The following TNRC18 variants were observed in gnomAD, a reference collection of about 807,000 sequenced individuals.
TNRC18 encodes trinucleotide repeat-containing gene 18 protein.
TNRC18 carries 69 observed loss-of-function variants against 226.7 expected under a neutral mutation model. That is an observed-to-expected ratio of 0.30 (90% CI 0.25 to 0.37). The LOEUF (loss-of-function observed/expected upper bound fraction) is 0.37, where lower values mean the gene tolerates loss of function less well. Ranked by LOEUF, TNRC18 falls within the 10% of genes least tolerant of loss-of-function variation. TNRC18 has a pLI of 1.00. For synonymous variants in TNRC18, 2,449 were observed against 1,927.6 expected, an observed-to-expected ratio of 1.27 and a Z score of -7.09; for missense variants, 4,754 against 4,256.6, an observed-to-expected ratio of 1.12 and a Z score of -3.25.
intron 2 of TNRC18, among the ~76,000 whole-genome samples, chr7:5,399,520 G>C (rs982786439): frequency 1.3e-5 from 2 of 151,934 alleles, no homozygotes; most frequent in Non-Finnish European, 2.9e-5. Flanking sequence ...CAGCCTGGCA[G>C]ACATGGTAAA....
Position 5,375,906 on chromosome 7 carries a change from C to T in TNRC18, c.2799+128G>A, listed in dbSNP as rs369302562. ...CTGCTGCCTCCTCCAGAAGCCCTCC[C>T]TGACCACCTGCCCCTCTGCTGTTTT... On this transcript the variant is annotated intron_variant, in intron 9 of 29. Coordinates refer to ENST00000430969, the MANE Select transcript of TNRC18 (RefSeq NM_001080495.3). The T allele has an allele frequency of 9.5e-5, 92 of 963,510 alleles. 1 individual carries two copies. The African/African-American group carries it at 1.5e-3, about 15-fold the overall frequency. 59.7% of individuals were successfully genotyped at this position (963,510 alleles called of 1,614,324 possible). A position where few individuals can be genotyped will look rare whatever the true frequency, so the allele number is the denominator to read the frequency against.
chr7:5,324,431 A>G lies in TNRC18; in HGVS notation c.6301-76T>C. Reference sequence around the variant, plus strand: ...TGCCGGGTTGGGGACCCTCTCTGGAAACCTGGAGCCACAGTCAGGCCGCAG... The same window carrying G: ...TGCCGGGTTGGGGACCCTCTCTGGAGACCTGGAGCCACAGTCAGGCCGCAG... On this transcript the variant is annotated intron_variant, in intron 20 of 29. Coordinates refer to ENST00000430969, the MANE Select transcript of TNRC18 (RefSeq NM_001080495.3). This position sits in a 1 kb window ranked among gnomAD's most constrained non-coding sequence, Gnocchi z 4.8. The G allele has an allele frequency of 6.4e-7, 1 of 1,563,842 alleles. No homozygotes were observed. The highest frequency in any genetic ancestry group is 8.7e-7 in the Non-Finnish European group (1 of 1,152,188).
chr7:5,312,887 A>C lies in TNRC18; in HGVS notation c.8004T>G (p.Ser2668=). ...SSSSSSSSSS[S]SSSTTDEDSS... ...AGTCCTCGTCTGTGGTGGAGGAAGA[A>C]GAGGAGGAAGAGGAGGAGGAGGAGG... Residue 2668 remains serine, a synonymous_variant, in exon 27 of 30, where the codon TCT becomes TCG. Transcript: ENST00000430969. This position sits in a 1 kb window ranked among gnomAD's most constrained non-coding sequence, Gnocchi z 6.3. 1 of 1,517,334 alleles carries C rather than the reference A, an allele frequency of 6.6e-7. No individual in the cohort carries two copies. The highest frequency in any genetic ancestry group is 1.3e-5 in the South Asian group (1 of 75,476). 94.0% of individuals were successfully genotyped at this position (1,517,334 alleles called of 1,614,324 possible). A position where few individuals can be genotyped will look rare whatever the true frequency, so the allele number is the denominator to read the frequency against.
intron 17 of TNRC18, among the ~76,000 whole-genome samples, chr7:5,350,697 C>T (rs900252379): frequency 6.6e-6 from 1 of 152,198 alleles, no homozygotes; most frequent in African/African-American, 2.4e-5. Flanking sequence ...AAGGCTCACA[C>T]ACATCTAACC....
chr7:5,333,103 C>T, intron 18 of TNRC18, 54 bp from the exon 19 acceptor site: 1 of 1,525,010 alleles, frequency 6.6e-7, no homozygotes, highest in Non-Finnish European at 8.8e-7. Context: ...CCCCTTCCCT[C>T]CCACCCAGCC....
intron 2 of TNRC18, among the ~76,000 whole-genome samples, chr7:5,399,032 C>T (rs751548947): frequency 1.3e-5 from 2 of 152,152 alleles, no homozygotes; most frequent in Non-Finnish European, 2.9e-5. Context: ...AAAATAAACC[C>T]CGAAGAAGCA....
At chr7:5,371,989 T>G (rs1794199190) in intron 10 of TNRC18, among the ~76,000 whole-genome samples, 1 of 152,096 alleles carries the variant, frequency 6.6e-6, no homozygotes, top group African/African-American at 2.4e-5. Context: ...CCTGCACCTC[T>G]TGGATTCCAA....
chr7:5,372,999 A>C (rs1208721548), intron 10 of TNRC18, among the ~76,000 whole-genome samples: 2 of 152,104 alleles, frequency 1.3e-5, no homozygotes, highest in East Asian at 3.9e-4. Context: ...TCTCTACTAA[A>C]AATTCAAAAT....
At chr7:5,345,451 T>G (rs749298813) in intron 18 of TNRC18, 111 bp downstream of exon 18, 26 of 1,125,886 alleles carry the variant, frequency 2.3e-5, no homozygotes, top group Non-Finnish European at 3.1e-5. Flanking sequence ...TTCTGCCCAT[T>G]CCCAGCTCTG....
Position 5,391,835 on chromosome 7 carries a change from T to TA in TNRC18, c.344-1208dup, listed in dbSNP as rs112656100. Among the ~76,000 whole-genome samples the TA allele has an allele frequency of 6.7e-3, 837 of 125,434 alleles. 5 individuals are homozygous for TA. Among genetic ancestry groups the TA allele is most frequent in the South Asian group, 0.013 (45 of 3,590 alleles). The allele number at this position is 125,434 out of a possible 152,430, so 82.3% of individuals were successfully genotyped here. A position where few individuals can be genotyped will look rare whatever the true frequency, so the allele number is the denominator to read the frequency against. ...AACATAGTGTGACCCCATCTCTATT[T>TA]AAAAAAAAAAAAAAAAAATTTAAAT... is the stretch of plus-strand genomic sequence containing the variant. On this transcript the variant is annotated intron_variant, in intron 3 of 29. Coordinates refer to ENST00000430969, the MANE Select transcript of TNRC18 (RefSeq NM_001080495.3).
In TNRC18 at chr7:5,312,956, CGAAGAGGAAGAGGAG is replaced by C. The variant is rs1562476961; in HGVS notation, c.7920_7934del (p.Ser2667_Ser2671del). The C allele has an allele frequency of 3.2e-6, 4 of 1,241,736 alleles. No individual in the cohort carries two copies. Among genetic ancestry groups the C allele is most frequent in the East Asian group, 2.7e-5 (1 of 36,702 alleles). 76.9% of individuals were successfully genotyped at this position (1,241,736 alleles called of 1,614,324 possible). On this transcript the variant is annotated inframe_deletion, in exon 27 of 30. Transcript: ENST00000430969. The surrounding 1 kb of genome is among the most constrained non-coding windows in gnomAD (Gnocchi z 6.3). ...AGGAGGAGGAGGAAGAGGAGGAAGA[CGAAGAGGAAGAGGAG>C]GAGGAGGAAGAGGAGGAGGAGGAAG...
chr7:5,359,340 A>G (rs1292420104), intron 15 of TNRC18, 58 bp downstream of exon 15: 6 of 1,582,462 alleles, frequency 3.8e-6, no homozygotes, highest in Non-Finnish European at 5.2e-6. Flanking sequence ...AACTCTTAAC[A>G]CACCCTCCAG....
At chr7:5,384,708 C>CT (rs1779635735) in intron 5 of TNRC18, among the ~76,000 whole-genome samples, 1 of 152,224 alleles carries the variant, frequency 6.6e-6, no homozygotes, top group Admixed American at 6.5e-5. Flanking sequence ...CCCCAAACCT[C>CT]TGAGCAGGAG....
At chr7:5,414,447 C>G (rs1584121735) in intron 2 of TNRC18, among the ~76,000 whole-genome samples, 2 of 151,964 alleles carry the variant, frequency 1.3e-5, no homozygotes, top group East Asian at 3.9e-4. Flanking sequence ...GAGTCTCACT[C>G]TGTCGCCCAG....
At chr7:5,321,301 G>A (rs1027959819) in intron 21 of TNRC18, 111 bp from the exon 22 acceptor site, 9 of 735,430 alleles carry the variant, frequency 1.2e-5, no homozygotes, top group Non-Finnish European at 2.0e-5. Flanking sequence ...CTGGTACCGG[G>A]TGGGCCTGTG....
intron 19 of TNRC18, among the ~76,000 whole-genome samples, chr7:5,326,047 A>G (rs1788884399): frequency 6.6e-6 from 1 of 151,996 alleles, no homozygotes. Flanking sequence ...TTACTAGTAT[A>G]TATTACTTGT....
intron 16 of TNRC18, 95 bp from the exon 17 acceptor site, chr7:5,352,189 A>C: frequency 7.5e-7 from 1 of 1,334,362 alleles, no homozygotes; most frequent in Non-Finnish European, 1.0e-6. Flanking sequence ...ACGTACTGGA[A>C]GGTGCCAGAA....
intron 2 of TNRC18, among the ~76,000 whole-genome samples, chr7:5,410,005 A>T (rs1281522463): frequency 5.3e-4 from 79 of 148,242 alleles, no homozygotes; most frequent in African/African-American, 8.8e-4. Flanking sequence ...AAAAAAAAAA[A>T]TTTTTTTTTA....
chr7:5,348,613 G>A (rs895200292), intron 17 of TNRC18, among the ~76,000 whole-genome samples: 1 of 141,906 alleles, frequency 7.0e-6, no homozygotes, highest in Admixed American at 6.9e-5. Context: ...GGAAGGCGGT[G>A]AAGGTGATGA....
Sources: allele counts gnomAD v4.1 joint callset (sites outside exome capture counted in the v4.1 genomes callset), GRCh38; gene constraint gnomAD v4.1.1; non-coding constraint Gnocchi (gnomAD v3.1); transcripts MANE v1.5; gene names NCBI Gene and HGNC (gene_info 2026-07-23, HGNC 2026-07-21).